SYT14: variants seen among roughly 807,000 people sequenced by gnomAD.
SYT14 encodes the protein synaptotagmin 14, also known as synaptotagmin-14.
SYT14 carries 32 observed loss-of-function variants against 74.2 expected under a neutral mutation model. That is an observed-to-expected ratio of 0.43 (90% confidence interval 0.33 to 0.58). The LOEUF (loss-of-function observed/expected upper bound fraction) is 0.58, where lower values mean the gene tolerates loss of function less well. Among genes scored for constraint, SYT14 ranks in the 20% least tolerant of loss-of-function variants. The pLI, the probability that SYT14 is intolerant of heterozygous loss-of-function variation, is 0.05. For missense variants in SYT14, 791 were observed against 981.8 expected (o/e 0.81, Z 2.60); for synonymous variants, 298 against 337.7 (o/e 0.88, Z 1.29).
At chr1:210,111,224 G>C (rs1221251028) in intron 7 of SYT14, among the ~76,000 whole-genome samples, 1 of 152,086 alleles carries the variant, frequency 6.6e-6, no homozygotes. Context: ...CCATTTTATA[G>C]GATTTGGGTG....
chr1:210,017,185 T>C, intron 4 of SYT14: 1 of 969,476 alleles, frequency 1.0e-6, no homozygotes, highest in Middle Eastern at 3.7e-4. Context: ...ATTTCTCAGC[T>C]TTCCTGTTCA....
intron 2 of SYT14, among the ~76,000 whole-genome samples, chr1:209,989,007 C>CT (rs1250199366): frequency 7.9e-5 from 12 of 152,308 alleles, no homozygotes; most frequent in Admixed American, 4.6e-4. Flanking sequence ...AGTGACCGCA[C>CT]TGTCCCCTTT....
At chr1:210,108,655 G>C (rs753467249) in intron 7 of SYT14, among the ~76,000 whole-genome samples, 3 of 150,264 alleles carry the variant, frequency 2.0e-5, no homozygotes, top group Admixed American at 6.6e-5. Flanking sequence ...AATAACTGAA[G>C]AGAGCCATTA....
intron 2 of SYT14, among the ~76,000 whole-genome samples, chr1:210,012,572 A>G (rs997022978): frequency 6.6e-6 from 1 of 152,186 alleles, no homozygotes. Flanking sequence ...TAAATGCCAC[A>G]TTAGGGAGTA....
At chr1:210,141,999 C>T (rs900137669) in intron 7 of SYT14, among the ~76,000 whole-genome samples, 1 of 152,204 alleles carries the variant, frequency 6.6e-6, no homozygotes, top group Non-Finnish European at 1.5e-5. Context: ...TGGTGACTGC[C>T]ATGTTAAACA....
intron 2 of SYT14, among the ~76,000 whole-genome samples, chr1:209,992,859 C>T (rs539070628): frequency 7.2e-5 from 11 of 152,134 alleles, no homozygotes; most frequent in East Asian, 5.8e-4. Context: ...AATGGAAAGG[C>T]GACACTGAAG....
intron 2 of SYT14, among the ~76,000 whole-genome samples, chr1:209,955,415 A>G (rs557968226): frequency 3.3e-5 from 5 of 152,222 alleles, no homozygotes; most frequent in South Asian, 2.1e-4. Flanking sequence ...GTATTTCCCC[A>G]TTATTATTGT....
chr1:210,108,988 G>T (rs1487357552), intron 7 of SYT14, among the ~76,000 whole-genome samples: 2 of 152,146 alleles, frequency 1.3e-5, no homozygotes, highest in African/African-American at 2.4e-5. Context: ...ACAATTACTG[G>T]AGAGGGATAA....
intron 7 of SYT14, among the ~76,000 whole-genome samples, chr1:210,109,673 G>T (rs146679119): frequency 3.7e-4 from 57 of 152,248 alleles, no homozygotes; most frequent in South Asian, 1.9e-3. Flanking sequence ...GTTGGTGGGA[G>T]TGTAAATTAG....
At chr1:209,989,884 A>T (rs1234593370) in intron 2 of SYT14, among the ~76,000 whole-genome samples, 1 of 152,088 alleles carries the variant, frequency 6.6e-6, no homozygotes, top group African/African-American at 2.4e-5. Context: ...TTTAAACTCT[A>T]AGATATATTT....
intron 5 of SYT14, among the ~76,000 whole-genome samples, chr1:210,065,036 T>C (rs1029994797): frequency 4.6e-5 from 7 of 152,080 alleles, no homozygotes; most frequent in African/African-American, 1.7e-4. Context: ...GTGTTAGGCG[T>C]CTTTTCATGT....
chr1:210,001,759 A>G (rs1012873653), intron 2 of SYT14, among the ~76,000 whole-genome samples: 1 of 152,174 alleles, frequency 6.6e-6, no homozygotes, highest in Non-Finnish European at 1.5e-5. Context: ...GACTCGAAGG[A>G]GGTGAAAGAA....
intron 2 of SYT14, among the ~76,000 whole-genome samples, chr1:209,981,450 C>CTTTTTTTTTTTTTTTTTTTTTTTTTTCTT (rs1183885685): frequency 1.0e-5 from 1 of 99,050 alleles, no homozygotes; most frequent in Non-Finnish European, 1.9e-5. Context: ...TTTTTCTTTT[C>CTTTTTTTTTTTTTTTTTTTTTTTTTTCTT]TTTTTTTTTT....
In SYT14 at chr1:209,964,179, G is replaced by A. The variant is rs999304374; in HGVS notation, c.-486+11423G>A. On this transcript the variant is annotated intron_variant, in intron 2 of 9. Coordinates refer to ENST00000637265, the Ensembl canonical transcript of SYT14. ...CTCGTGTTAGTGAGTGAGTTTTCAC[G>A]AGATCTAATGGTTTTATAAGAGTTC... Among the ~76,000 whole-genome samples, 32 of 152,226 alleles carry A rather than the reference G, an allele frequency of 2.1e-4. 2 individuals are homozygous for A. The highest frequency in any genetic ancestry group is 1.5e-5 in the Non-Finnish European group (1 of 68,014).
intron 5 of SYT14, among the ~76,000 whole-genome samples, chr1:210,072,178 T>C (rs2081408638): frequency 1.3e-5 from 2 of 151,064 alleles, no homozygotes; most frequent in African/African-American, 4.8e-5. Context: ...TGAACAGTGA[T>C]ATAAACAATT....
intron 5 of SYT14, among the ~76,000 whole-genome samples, chr1:210,091,309 A>G (rs1558182951): frequency 6.6e-6 from 1 of 152,176 alleles, no homozygotes; most frequent in Non-Finnish European, 1.5e-5. Flanking sequence ...CCAAAATTAT[A>G]CTGTGCTGGC....
At chr1:210,013,572 C>T in intron 2 of SYT14, 61 bp from the exon 3 acceptor site, 1 of 1,502,398 alleles carries the variant, frequency 6.7e-7, no homozygotes, top group South Asian at 1.2e-5. Context: ...TTGGGGTTTC[C>T]TTCTTATTTG....
rs557613813 is a variant in SYT14, at chr1:209,987,294, A to G, written c.-485-26339A>G. ...TATATTAGGCAATTCTTGTGTTGCT[A>G]TAAAGAAATACCTGAGACTGGATAA... On this transcript the variant is annotated intron_variant, in intron 2 of 9. Transcript: ENST00000637265. Among the ~76,000 whole-genome samples, 24 of 152,372 alleles carry G rather than the reference A, an allele frequency of 1.6e-4. No individual in the cohort carries two copies. The East Asian group carries it at 1.9e-3, about 12-fold the overall frequency.
At chr1:209,948,158 G>C (rs752027587) in intron 1 of SYT14, among the ~76,000 whole-genome samples, 5 of 152,152 alleles carry the variant, frequency 3.3e-5, no homozygotes, top group Admixed American at 2.0e-4. Context: ...CAAACCTGTC[G>C]ATATCTCTGA....
Sources: gnomAD v4.1 joint callset for allele counts (sites outside exome capture counted in the v4.1 genomes callset) on GRCh38, gnomAD v4.1.1 for gene constraint, MANE v1.5 for transcripts, NCBI Gene and HGNC (gene_info 2026-07-23, HGNC 2026-07-21) for gene names.